Variants in ESRRG observed in about 807,000 individuals in gnomAD.
The protein encoded by ESRRG is estrogen related receptor gamma, also known as estrogen-related receptor gamma.
ESRRG carries 13 observed loss-of-function variants against 44.0 expected under a neutral mutation model. The ratio of observed to expected loss-of-function variants is 0.30; its 90% CI spans 0.19 to 0.47. The LOEUF is 0.47. ESRRG is among the 20% of genes least tolerant of loss of function. ESRRG has a pLI of 1.00. For synonymous variants in ESRRG, 215 were observed against 214.6 expected, an observed-to-expected ratio of 1.00 and a Z score of -0.02; for missense variants, 395 against 580.6, an observed-to-expected ratio of 0.68 and a Z score of 3.29.
intron 2 of ESRRG, among the ~76,000 whole-genome samples, chr1:216,924,087 G>T (rs555355414): frequency 6.6e-6 from 1 of 152,302 alleles, no homozygotes; most frequent in East Asian, 1.9e-4. Flanking sequence ...TTCGAGGAGT[G>T]AGCAAGTGGA....
At chr1:217,014,272 A>G (rs2079035148) in intron 1 of ESRRG, among the ~76,000 whole-genome samples, 1 of 152,138 alleles carries the variant, frequency 6.6e-6, no homozygotes, top group Admixed American at 6.6e-5. Context: ...CTATGGGAAC[A>G]GCTGTCATTG....
intron 1 of ESRRG, among the ~76,000 whole-genome samples, chr1:216,945,366 CT>C (rs2065902084): frequency 6.6e-6 from 1 of 152,018 alleles, no homozygotes; most frequent in Admixed American, 6.6e-5. Flanking sequence ...ATGATGCTTC[CT>C]TTGTTGAGGC....
chr1:216,767,015 C>A (rs1373421560), intron 2 of ESRRG, among the ~76,000 whole-genome samples: 3 of 152,066 alleles, frequency 2.0e-5, no homozygotes, highest in Non-Finnish European at 4.4e-5. Context: ...AACTTAAGAA[C>A]TAGAGGTGAT....
intron 3 of ESRRG, among the ~76,000 whole-genome samples, chr1:216,625,195 T>A (rs1232618518): frequency 1.3e-5 from 2 of 152,134 alleles, no homozygotes; most frequent in African/African-American, 4.8e-5. Flanking sequence ...GGATTAGTAT[T>A]CATGAAATAA....
At chr1:216,876,561 TA>T (rs66593257) in intron 2 of ESRRG, among the ~76,000 whole-genome samples, 18,671 of 150,600 alleles carry the variant, frequency 0.12, 3,720 homozygotes, top group African/African-American at 0.42. Context: ...ATCTACTTTT[TA>T]TTTGTTTTTT....
intron 2 of ESRRG, among the ~76,000 whole-genome samples, chr1:216,913,948 C>T (rs573327655): frequency 3.3e-5 from 5 of 152,156 alleles, no homozygotes; most frequent in East Asian, 3.9e-4. Flanking sequence ...AAAATCAATG[C>T]GTTTTATTTC....
At chr1:216,825,488 T>C (rs1323527581) in intron 2 of ESRRG, among the ~76,000 whole-genome samples, 3 of 151,576 alleles carry the variant, frequency 2.0e-5, no homozygotes, top group Non-Finnish European at 4.4e-5. Flanking sequence ...GCCCTTTGAA[T>C]TTTTTTTTAG....
At chr1:216,965,958 G>C (rs1016521009) in intron 1 of ESRRG, among the ~76,000 whole-genome samples, 27 of 152,144 alleles carry the variant, frequency 1.8e-4, no homozygotes, top group African/African-American at 6.5e-4. Flanking sequence ...ATGCAGATCT[G>C]ATTCAGTAAA....
At chr1:216,628,990 C>T (rs574436671) in intron 3 of ESRRG, among the ~76,000 whole-genome samples, 1 of 152,312 alleles carries the variant, frequency 6.6e-6, no homozygotes, top group South Asian at 2.1e-4. Flanking sequence ...AATATCTGCT[C>T]TCTTTCCCTC....
chr1:216,571,454 CAAACAAACAAACATA>C (rs1036115454), intron 3 of ESRRG, among the ~76,000 whole-genome samples: 2 of 151,956 alleles, frequency 1.3e-5, no homozygotes, highest in Admixed American at 6.6e-5. Context: ...AAAAAACAAA[CAAACAAACAAACATA>C]AAACAAACAA....
At chr1:216,564,709 T>G (rs981484178) in intron 4 of ESRRG, among the ~76,000 whole-genome samples, 2 of 152,154 alleles carry the variant, frequency 1.3e-5, no homozygotes, top group Non-Finnish European at 2.9e-5. Context: ...GTGCTTTGAT[T>G]CTTAAGTGGG....
intron 2 of ESRRG, among the ~76,000 whole-genome samples, chr1:216,675,904 A>G (rs1320450557): frequency 1.3e-5 from 2 of 152,188 alleles, no homozygotes; most frequent in African/African-American, 4.8e-5. Context: ...GCTGTACCCA[A>G]GACCAATTAA....
At chr1:216,875,045 G>A (rs932313144) in intron 2 of ESRRG, among the ~76,000 whole-genome samples, 4 of 152,036 alleles carry the variant, frequency 2.6e-5, no homozygotes, top group Non-Finnish European at 5.9e-5. Context: ...ATCCACCACC[G>A]GTTTCCTTAA....
chr1:216,613,961 C>T (rs538983865), intron 3 of ESRRG, among the ~76,000 whole-genome samples: 1 of 152,316 alleles, frequency 6.6e-6, no homozygotes, highest in African/African-American at 2.4e-5. Context: ...AGAGTCTTTG[C>T]TTGATTTGCA....
At chr1:216,662,108 T>C (rs573372938) in intron 2 of ESRRG, among the ~76,000 whole-genome samples, 1 of 152,164 alleles carries the variant, frequency 6.6e-6, no homozygotes, top group African/African-American at 2.4e-5. Context: ...AGGGAGTGAG[T>C]ATTGATTATA....
intron 1 of ESRRG, among the ~76,000 whole-genome samples, chr1:217,108,118 C>G (rs1030090743): frequency 3.3e-5 from 5 of 152,086 alleles, no homozygotes; most frequent in African/African-American, 1.2e-4. Flanking sequence ...GCTTTTTCTC[C>G]TAATTCTTGA....
intron 3 of ESRRG, among the ~76,000 whole-genome samples, chr1:216,600,837 C>A (rs1258815662): frequency 6.6e-6 from 1 of 152,156 alleles, no homozygotes; most frequent in Non-Finnish European, 1.5e-5. Context: ...GCAGAATGAT[C>A]AGCCTCACAG....
Position 216,664,592 on chromosome 1 carries a change from G to A in ESRRG, c.472+12484C>T, listed in dbSNP as rs910785408. Among the ~76,000 whole-genome samples, 3 of 148,822 alleles carry A rather than the reference G, an allele frequency of 2.0e-5. No individual in the cohort carries two copies. The Admixed American group carries it at 2.0e-4, about 10-fold the overall frequency. ...TATGGATAAGCCTAAGGTGATAAAAGATTAGAACTTTGGTGTATATATAAA... is the reference window on the plus strand; with the variant it reads ...TATGGATAAGCCTAAGGTGATAAAAAATTAGAACTTTGGTGTATATATAAA... On this transcript the variant is annotated intron_variant, in intron 2 of 6. Coordinates refer to ENST00000408911, the MANE Select transcript of ESRRG (RefSeq NM_001438.4).
intron 2 of ESRRG, among the ~76,000 whole-genome samples, chr1:216,737,787 A>C (rs1000333481): frequency 1.3e-5 from 2 of 152,276 alleles, no homozygotes; most frequent in African/African-American, 4.8e-5. Context: ...TAAAAAAAAA[A>C]AACAATAAAC....
Sources: allele counts gnomAD v4.1 joint callset (sites outside exome capture counted in the v4.1 genomes callset), GRCh38; gene constraint gnomAD v4.1.1; transcripts MANE v1.5; gene names NCBI Gene and HGNC (gene_info 2026-07-23, HGNC 2026-07-21).